MITF: variants seen among roughly 807,000 people sequenced by gnomAD.
MITF encodes melanocyte inducing transcription factor, also known as microphthalmia-associated transcription factor.
A neutral mutation model predicts 60.5 loss-of-function variants in MITF; 17 were observed. The ratio of observed to expected loss-of-function variants is 0.28; its 90% CI spans 0.19 to 0.42. The LOEUF (loss-of-function observed/expected upper bound fraction) is 0.42. Ranked by LOEUF, MITF falls within the 10% of genes least tolerant of loss-of-function variation. The pLI is 1.00. For missense variants in MITF, 622 were observed against 683.5 expected, an observed-to-expected ratio of 0.91 and a Z score of 1.00; for synonymous variants, 260 against 248.5, an observed-to-expected ratio of 1.05 and a Z score of -0.43.
intron 2 of MITF, among the ~76,000 whole-genome samples, chr3:69,905,938 T>A (rs1435946086): frequency 6.6e-6 from 1 of 152,170 alleles, no homozygotes; most frequent in Non-Finnish European, 1.5e-5. Flanking sequence ...CTTTCCATTC[T>A]ATTAATAGTG....
intron 1 of MITF, among the ~76,000 whole-genome samples, chr3:69,765,532 A>G (rs1322478808): frequency 1.3e-5 from 2 of 152,186 alleles, no homozygotes; most frequent in African/African-American, 4.8e-5. Flanking sequence ...TTTCCTGGTT[A>G]ATTTTCCCAC....
chr3:69,839,712 A>G (rs1240466452), intron 1 of MITF, among the ~76,000 whole-genome samples: 43 of 152,146 alleles, frequency 2.8e-4, no homozygotes, highest in Non-Finnish European at 1.9e-4. Flanking sequence ...CCGACTTTCC[A>G]TTCATTAATG....
chr3:69,747,091 C>T (rs1020595106), intron 1 of MITF, among the ~76,000 whole-genome samples: 3 of 152,194 alleles, frequency 2.0e-5, no homozygotes, highest in Non-Finnish European at 1.5e-5. Context: ...AATGGCTGAC[C>T]TTTCTGGGGA....
chr3:69,956,592 C>A (rs554618676), intron 8 of MITF, 62 bp downstream of exon 8: 23 of 1,383,064 alleles, frequency 1.7e-5, no homozygotes, highest in Non-Finnish European at 2.0e-5. Flanking sequence ...TTTTTTCATA[C>A]GTTGTAAAAA....
In MITF at chr3:69,879,285, A is replaced by T. The variant is rs1314700990; in HGVS notation, c.256A>T (p.Met86Leu). 2 of 1,614,214 alleles carry T rather than the reference A, an allele frequency of 1.2e-6. No homozygotes were observed. The highest frequency in any genetic ancestry group is 1.7e-5 in the Admixed American group (1 of 60,026). ...GCAGAAGCTGCAGGCGGCCCAGTTCATGCAACAGAGAGTGCCCGTGAGTCA... is the reference window on the plus strand; with the variant it reads ...GCAGAAGCTGCAGGCGGCCCAGTTCTTGCAACAGAGAGTGCCCGTGAGTCA... ...QQQKLQAAQF[M>L]QQRVPVSQTP... The change falls in exon 2 of 10, where the codon ATG becomes TTG. Residue 86 changes from methionine to leucine, a missense_variant. Physicochemically the swap from Met to Leu is conservative, Grantham distance 15. Transcript: ENST00000352241.
chr3:69,746,174 C>T (rs1320206511), intron 1 of MITF, among the ~76,000 whole-genome samples: 5 of 152,098 alleles, frequency 3.3e-5, no homozygotes, highest in Admixed American at 6.5e-5. Context: ...TTCCTTTTCC[C>T]GATTACTACT....
intron 2 of MITF, among the ~76,000 whole-genome samples, chr3:69,895,297 C>T (rs2064849481): frequency 6.6e-6 from 1 of 152,170 alleles, no homozygotes. Context: ...TTGAGGGTGG[C>T]AACAGGTGAG....
At chr3:69,869,761 A>G (rs968799405) in intron 1 of MITF, among the ~76,000 whole-genome samples, 1 of 152,142 alleles carries the variant, frequency 6.6e-6, no homozygotes, top group Non-Finnish European at 1.5e-5. Flanking sequence ...TGGGTACAGC[A>G]CAACTGCTTT....
chr3:69,742,342 G>C (rs1703556233), intron 1 of MITF, among the ~76,000 whole-genome samples: 1 of 152,080 alleles, frequency 6.6e-6, no homozygotes, highest in Non-Finnish European at 1.5e-5. Flanking sequence ...CCACAACAAA[G>C]GATTATCTGG....
chr3:69,782,131 G>A (rs1335504994), intron 1 of MITF, among the ~76,000 whole-genome samples: 2 of 152,228 alleles, frequency 1.3e-5, no homozygotes, highest in African/African-American at 4.8e-5. Context: ...GCAGTGCACA[G>A]CCTGAGTGGC....
chr3:69,799,799 G>C (rs1029821937), intron 1 of MITF, among the ~76,000 whole-genome samples: 1 of 151,986 alleles, frequency 6.6e-6, no homozygotes, highest in African/African-American at 2.4e-5. Flanking sequence ...TTTGTTGTTC[G>C]TGTCACTGAA....
intron 5 of MITF, among the ~76,000 whole-genome samples, chr3:69,946,105 T>C (rs192496086): frequency 2.7e-3 from 406 of 152,350 alleles, no homozygotes; most frequent in African/African-American, 9.4e-3. Flanking sequence ...TTACCACTTA[T>C]TGATCACTGA....
At chr3:69,857,090 G>C (rs190858894) in intron 1 of MITF, among the ~76,000 whole-genome samples, 128 of 152,190 alleles carry the variant, frequency 8.4e-4, no homozygotes, top group African/African-American at 2.5e-3. Flanking sequence ...TGTGGTGAAA[G>C]AATGAAGTAG....
chr3:69,757,551 G>A (rs1202730907), intron 1 of MITF, among the ~76,000 whole-genome samples: 4 of 152,070 alleles, frequency 2.6e-5, no homozygotes, highest in Non-Finnish European at 5.9e-5. Flanking sequence ...ATGAGCTTCC[G>A]AACTCTGCAT....
In MITF at chr3:69,966,109, G is replaced by A. The variant is rs760971399; in HGVS notation, c.*861G>A. On this transcript the variant is annotated 3_prime_UTR_variant, in exon 10 of 10. Transcript: ENST00000352241. Reference sequence around the variant, plus strand: ...GCTTTTGATAAGAAAACCGAACTGGGCATATTTCTAATTGGCTTTACTATT... The same window carrying A: ...GCTTTTGATAAGAAAACCGAACTGGACATATTTCTAATTGGCTTTACTATT... 3.9e-5 allele frequency: 9 copies of A among 232,326 alleles called. No individual in the cohort carries two copies. The highest frequency in any genetic ancestry group is 1.8e-4 in the African/African-American group (8 of 45,208). The allele number at this position is 232,326 out of a possible 1,614,324, so 14.4% of individuals were successfully genotyped here. A position where few individuals can be genotyped will look rare whatever the true frequency, so the allele number is the denominator to read the frequency against.
In MITF at chr3:69,928,471, G is replaced by A. The variant is rs1266137574; in HGVS notation, c.355-9351G>A. The stretch of plus-strand genomic sequence containing the variant: ...ATTTAAAAGTCTTCAGGAATCAGAC[G>A]GGTTAATGAATAAAGTAGTCCAGTT... On this transcript the variant is annotated intron_variant, in intron 2 of 9. Coordinates refer to ENST00000352241, the MANE Select transcript of MITF (RefSeq NM_001354604.2). Among the ~76,000 whole-genome samples the A allele has an allele frequency of 1.2e-4, 18 of 152,284 alleles. No homozygotes were observed. The East Asian group carries it at 2.9e-3, about 24-fold the overall frequency.
At chr3:69,908,695 T>C (rs936788834) in intron 2 of MITF, among the ~76,000 whole-genome samples, 9 of 152,152 alleles carry the variant, frequency 5.9e-5, no homozygotes, top group African/African-American at 2.2e-4. Context: ...ATAAGAAAAT[T>C]TGGCAAAATG....
intron 7 of MITF, among the ~76,000 whole-genome samples, chr3:69,954,901 A>G (rs2066358091): frequency 6.6e-6 from 1 of 152,238 alleles, no homozygotes; most frequent in Admixed American, 6.5e-5. Flanking sequence ...TATTAGTGGA[A>G]CAAAAAGAAG....
chr3:69,827,157 A>G (rs2063368619), intron 1 of MITF, among the ~76,000 whole-genome samples: 1 of 152,158 alleles, frequency 6.6e-6, no homozygotes, highest in African/African-American at 2.4e-5. Flanking sequence ...GGACAGGATC[A>G]TCTTTCTCCA....
Sources: gnomAD v4.1 joint callset for allele counts (sites outside exome capture counted in the v4.1 genomes callset) on GRCh38, gnomAD v4.1.1 for gene constraint, MANE v1.5 for transcripts, NCBI Gene and HGNC (gene_info 2026-07-23, HGNC 2026-07-21) for gene names.